Variants in MSI2 observed in about 807,000 individuals in gnomAD.
MSI2 encodes RNA-binding protein Musashi homolog 2.
Under a neutral mutation model 45.6 loss-of-function variants are expected in MSI2, and 17 were observed. That is an observed-to-expected ratio of 0.37 (90% CI 0.26 to 0.56). MSI2 has a LOEUF of 0.56. Ranked by LOEUF, MSI2 falls within the 20% of genes least tolerant of loss-of-function variation. The pLI is 0.77. For synonymous variants in MSI2, 156 were observed against 158.2 expected, an observed-to-expected ratio of 0.99 and a Z score of 0.11; for missense variants, 293 against 444.2, an observed-to-expected ratio of 0.66 and a Z score of 3.06.
At chr17:57,484,307 T>C (rs2085708990) in intron 6 of MSI2, among the ~76,000 whole-genome samples, 1 of 152,210 alleles carries the variant, frequency 6.6e-6, no homozygotes, top group Admixed American at 6.5e-5. Flanking sequence ...TGGGTCCATG[T>C]CTGTACCTCC....
chr17:57,512,085 G>A (rs966575365), intron 6 of MSI2, among the ~76,000 whole-genome samples: 5 of 152,196 alleles, frequency 3.3e-5, no homozygotes, highest in African/African-American at 9.7e-5. Context: ...ATGAATGAAT[G>A]ACTAAAAACT....
At chr17:57,667,199 C>T (rs762114706) in intron 11 of MSI2, among the ~76,000 whole-genome samples, 1 of 152,200 alleles carries the variant, frequency 6.6e-6, no homozygotes, top group Non-Finnish European at 1.5e-5. Flanking sequence ...TCCGGGGAGC[C>T]TCCTTGTCTG....
At chr17:57,463,949 C>T (rs1328104877) in intron 6 of MSI2, among the ~76,000 whole-genome samples, 7 of 151,834 alleles carry the variant, frequency 4.6e-5, no homozygotes, top group African/African-American at 1.7e-4. Flanking sequence ...AGTGTCTCCA[C>T]CTTGTCTACT....
intron 5 of MSI2, among the ~76,000 whole-genome samples, chr17:57,283,646 A>C (rs1909613635): frequency 6.6e-6 from 1 of 152,194 alleles, no homozygotes; most frequent in African/African-American, 2.4e-5. Context: ...AAAAACAAAC[A>C]AACAAAAAAA....
intron 6 of MSI2, among the ~76,000 whole-genome samples, chr17:57,428,908 C>T (rs1379810559): frequency 6.6e-6 from 1 of 152,104 alleles, no homozygotes; most frequent in East Asian, 1.9e-4. Flanking sequence ...ATTTACCAGC[C>T]AGCATATATT....
At chr17:57,477,999 C>A (rs774764142) in intron 6 of MSI2, among the ~76,000 whole-genome samples, 1 of 152,236 alleles carries the variant, frequency 6.6e-6, no homozygotes, top group Admixed American at 6.5e-5. Flanking sequence ...ATGCTGGCTG[C>A]AGCTCAGAGG....
At chr17:57,439,614 A>G (rs2084759493) in intron 6 of MSI2, among the ~76,000 whole-genome samples, 1 of 147,910 alleles carries the variant, frequency 6.8e-6, no homozygotes, top group African/African-American at 2.5e-5. Flanking sequence ...GCTGGAGTGC[A>G]GTGGCACGAT....
At chr17:57,562,695 CT>C (rs1240797877) in intron 7 of MSI2, among the ~76,000 whole-genome samples, 2 of 152,244 alleles carry the variant, frequency 1.3e-5, no homozygotes, top group East Asian at 3.8e-4. Flanking sequence ...ACTGCAAACA[CT>C]GACAGGCAAA....
intron 6 of MSI2, among the ~76,000 whole-genome samples, chr17:57,416,399 A>G (rs2084295144): frequency 3.9e-5 from 6 of 152,214 alleles, no homozygotes; most frequent in Admixed American, 2.0e-4. Context: ...TTTCTTGCAT[A>G]TGACTTGAAT....
At chr17:57,561,963 T>A (rs914729581) in intron 7 of MSI2, among the ~76,000 whole-genome samples, 12 of 152,176 alleles carry the variant, frequency 7.9e-5, no homozygotes, top group Admixed American at 1.3e-4. Flanking sequence ...TTTCTACTTA[T>A]TATATATATA....
At chr17:57,355,385 A>G (rs903648314) in intron 5 of MSI2, among the ~76,000 whole-genome samples, 3 of 152,188 alleles carry the variant, frequency 2.0e-5, no homozygotes, top group African/African-American at 7.2e-5. Context: ...CCAGTCTGTG[A>G]TGGATAGTCC....
At position 57,652,196 on chromosome 17, in the gene MSI2, A is replaced by G. The variant is rs1184721992; in HGVS notation, c.790+35A>G. Reference sequence around the variant, plus strand: ...TGTATGGGACAGGCGACTCCCAGGCATGCCCCCAGTGTGCAGGGGGAGGTC... The same window carrying G: ...TGTATGGGACAGGCGACTCCCAGGCGTGCCCCCAGTGTGCAGGGGGAGGTC... On this transcript the variant is annotated intron_variant, in intron 11 of 13. Coordinates refer to ENST00000284073, the MANE Select transcript of MSI2 (RefSeq NM_138962.4). This position sits in a 1 kb window ranked among gnomAD's most constrained non-coding sequence, Gnocchi z 4.1. 1 of 1,602,256 alleles carries G rather than the reference A, an allele frequency of 6.2e-7. No homozygotes were observed. The highest frequency in any genetic ancestry group is 8.6e-7 in the Non-Finnish European group (1 of 1,169,588).
chr17:57,423,346 C>T (rs1234780809), intron 6 of MSI2, among the ~76,000 whole-genome samples: 2 of 152,124 alleles, frequency 1.3e-5, no homozygotes, highest in East Asian at 1.9e-4. Context: ...AGAAGAAGCC[C>T]GACAGAAATG....
chr17:57,411,556 T>C (rs2084197267), intron 6 of MSI2, among the ~76,000 whole-genome samples: 1 of 152,158 alleles, frequency 6.6e-6, no homozygotes, highest in Admixed American at 6.5e-5. Flanking sequence ...AGAGCATAAA[T>C]GACTATGTAA....
At position 57,334,595 on chromosome 17, in the gene MSI2, A is replaced by C. The variant is rs557816789; in HGVS notation, c.313-66784A>C. Among the ~76,000 whole-genome samples the C allele has an allele frequency of 3.4e-4, 52 of 152,268 alleles. 1 individual carries two copies. The highest frequency in any genetic ancestry group is 3.1e-3 in the Admixed American group (48 of 15,300). ...GATCGCCTCAGGTCAGGAGTTCGAG[A>C]CCAGCCTGGCCAACATGGTAAAACT... On this transcript the variant is annotated intron_variant, in intron 5 of 13. Coordinates refer to ENST00000284073, the MANE Select transcript of MSI2 (RefSeq NM_138962.4).
At chr17:57,573,341 G>C (rs2087928533) in intron 7 of MSI2, among the ~76,000 whole-genome samples, 1 of 151,984 alleles carries the variant, frequency 6.6e-6, no homozygotes, top group Non-Finnish European at 1.5e-5. Flanking sequence ...TGTGCCAAGT[G>C]CCCTCCTACA....
intron 5 of MSI2, among the ~76,000 whole-genome samples, chr17:57,307,772 C>T (rs1912040978): frequency 6.6e-6 from 1 of 152,250 alleles, no homozygotes; most frequent in South Asian, 2.1e-4. Flanking sequence ...CAACCCTCCA[C>T]AATCAAAAGC....
At chr17:57,496,380 C>T (rs772730739) in intron 6 of MSI2, among the ~76,000 whole-genome samples, 2 of 152,220 alleles carry the variant, frequency 1.3e-5, no homozygotes, top group Non-Finnish European at 2.9e-5. Flanking sequence ...TCCCCCTCTC[C>T]CCACTTAGGT....
intron 5 of MSI2, among the ~76,000 whole-genome samples, chr17:57,382,791 A>G (rs1316217361): frequency 1.3e-5 from 2 of 152,250 alleles, no homozygotes; most frequent in African/African-American, 4.8e-5. Flanking sequence ...AGGACAGTTA[A>G]AACTAAGCCA....
Sources: gnomAD v4.1 joint callset for allele counts (sites outside exome capture counted in the v4.1 genomes callset) on GRCh38, gnomAD v4.1.1 for gene constraint, Gnocchi (gnomAD v3.1) non-coding constraint, MANE v1.5 for transcripts, NCBI Gene and HGNC (gene_info 2026-07-23, HGNC 2026-07-21) for gene names.